The following PKD1 variants were observed in gnomAD, a reference collection of about 807,000 sequenced individuals.
PKD1 encodes polycystin-1.
PKD1 carries 81 observed loss-of-function variants against 361.7 expected under a neutral mutation model. The ratio of observed to expected loss-of-function variants is 0.22; its 90% CI spans 0.19 to 0.27. PKD1 has a LOEUF of 0.27. Among genes scored for constraint, PKD1 ranks in the 10% least tolerant of loss-of-function variants. The pLI is 1.00. For missense variants in PKD1, 6,399 were observed against 6,118.3 expected (o/e 1.05, Z -1.53); for synonymous variants, 3,615 against 2,818.3 (o/e 1.28, Z -8.95).
chr16:2,110,154 G>C lies in PKD1; in HGVS notation c.5013C>G (p.Asp1671Glu). The C allele has an allele frequency of 6.2e-7, 1 of 1,610,334 alleles. No individual in the cohort carries two copies. The highest frequency in any genetic ancestry group is 8.5e-7 in the Non-Finnish European group (1 of 1,179,610). ...CGCTGCCGGCCAGGGCCGGGCCCCT[G>C]TCCCTCCAGGCAGTCCAGCTGTAGG... is the stretch of plus-strand genomic sequence containing the variant. ...NVSYSWTAWR[D>E]RGPALAGSGK... The change falls in exon 15 of 46, where the codon GAC (aspartate) becomes GAG (glutamate). Residue 1671 changes from aspartate to glutamate, a missense_variant. Physicochemically the swap from Asp to Glu is conservative, Grantham distance 45 (BLOSUM62 2). Coordinates refer to ENST00000262304, the MANE Select transcript of PKD1 (RefSeq NM_001009944.3).
Position 2,103,272 on chromosome 16 carries a change from G to C in PKD1, c.8785C>G (p.Leu2929Val). ...GLHLQLNYTL[L>V]DGHYLSEEPE... ...CCCCACCCGCTGCACGCACCGTCCA[G>C]CAGCGTATAGTTGAGCTGCAGATGC... The change falls in exon 23 of 46, where the codon CTG (leucine) becomes GTG (valine). Residue 2929 changes from leucine to valine, a missense_variant. Transcript: ENST00000262304. The C allele has an allele frequency of 6.2e-7, 1 of 1,609,730 alleles. No individual in the cohort carries two copies. The highest frequency in any genetic ancestry group is 8.5e-7 in the Non-Finnish European group (1 of 1,179,694).
In PKD1 at chr16:2,105,897, A is replaced by G. The variant is rs1281912678; in HGVS notation, c.7831T>C (p.Tyr2611His). 2 of 1,596,282 alleles carry G rather than the reference A, an allele frequency of 1.3e-6. No individual in the cohort carries two copies. Among genetic ancestry groups the G allele is most frequent in the African/African-American group, 2.7e-5 (2 of 74,828 alleles). ...AGCACGGTGACCAGGGCCAACGAGT[A>G]CTCGATGACGTGCTGGGGATCGGCC... ...RQADPQHVIE[Y>H]SLALVTVLNE... The change falls in exon 20 of 46, where the codon TAC becomes CAC. Residue 2611 changes from tyrosine (Y) to histidine (H), a missense_variant. Transcript: ENST00000262304.
chr16:2,128,939 C>T lies in PKD1; in HGVS notation c.215+6536G>A, dbSNP rs538654431. The stretch of plus-strand genomic sequence containing the variant: ...AGTGCAGTGGTGTGATATTGGCTCA[C>T]TGCAACCTCCGCCTCCCGGGTTCAA... On this transcript the variant is annotated intron_variant, in intron 1 of 45. Coordinates refer to ENST00000262304, the MANE Select transcript of PKD1 (RefSeq NM_001009944.3). Among the ~76,000 whole-genome samples the T allele has an allele frequency of 2.6e-5, 4 of 152,094 alleles. No homozygotes were observed. The East Asian group carries it at 7.7e-4, about 29-fold the overall frequency.
intron 1 of PKD1, among the ~76,000 whole-genome samples, chr16:2,129,407 C>T (rs527361359): frequency 1.9e-4 from 29 of 152,028 alleles, no homozygotes; most frequent in African/African-American, 6.5e-4. Flanking sequence ...GGATTACAGG[C>T]GTGAGGCACC....
intron 34 of PKD1, chr16:2,095,041 G>C (rs1458413132): frequency 6.6e-6 from 1 of 152,294 alleles, no homozygotes; most frequent in Non-Finnish European, 1.5e-5. Flanking sequence ...TCAGGAGGCT[G>C]AGGCAGGAGG....
rs2091645912 is a variant in PKD1 at position 2,092,578 on chromosome 16, C to T, written c.11171G>A (p.Trp3724Ter). 6.2e-7 allele frequency: 1 copy of T among 1,609,530 alleles called. No individual in the cohort carries two copies. Among genetic ancestry groups the T allele is most frequent in the Non-Finnish European group, 8.5e-7 (1 of 1,177,846 alleles). ...FLAITRSEELWPWMAHVLLPY... is the reference protein window; with the variant it reads ...FLAITRSEEL Reference sequence around the variant, plus strand: ...CAGCAGCACGTGGGCCATCCATGGCCAGAGCTCCTCAGACCTGCCACAGCA... The same window carrying T: ...CAGCAGCACGTGGGCCATCCATGGCTAGAGCTCCTCAGACCTGCCACAGCA... The change falls in exon 39 of 46, where the codon TGG becomes TAG. Residue 3724 changes from tryptophan to a stop codon, truncating the protein, a stop_gained. Transcript: ENST00000262304. LOFTEE classifies it high-confidence loss of function.
In PKD1 at chr16:2,109,897, C is replaced by T. The variant is rs770462764; in HGVS notation, c.5270G>A (p.Gly1757Glu). Residue 1757 changes from glycine (G) to glutamate (E), a missense_variant, in exon 15 of 46, where the codon GGG becomes GAG. Coordinates refer to ENST00000262304, the MANE Select transcript of PKD1 (RefSeq NM_001009944.3). ...GVVYTWSLEE[G>E]LSWETSEPFT... ...TGGCTCGGAGGTCTCCCAGCTCAGC[C>T]CCTCCTCCAAGGACCAAGTGTATAC... 1.1e-5 allele frequency: 17 copies of T among 1,610,474 alleles called. No homozygotes were observed. Among genetic ancestry groups the T allele is most frequent in the Admixed American group, 1.0e-4 (6 of 59,992 alleles).
In PKD1 at chr16:2,090,785, C is replaced by G. The variant is rs770344022; in HGVS notation, c.12027G>C (p.Val4009=). Residue 4009 remains valine (V), a synonymous_variant, in exon 44 of 46, where the codon GTG becomes GTC. Coordinates refer to ENST00000262304, the MANE Select transcript of PKD1 (RefSeq NM_001009944.3). Reference sequence around the variant, plus strand: ...TCTTGCCAAAGACGGACCACTGGCGCACGAAGCGTAGCTGCTGGGCAGCCT... The same window carrying G: ...TCTTGCCAAAGACGGACCACTGGCGGACGAAGCGTAGCTGCTGGGCAGCCT... The part of the protein sequence containing the change: ...LVKAAQQLRF[V]RQWSVFGKTL... 2 of 1,612,604 alleles carry G rather than the reference C, an allele frequency of 1.2e-6. No individual in the cohort carries two copies. Among genetic ancestry groups the G allele is most frequent in the East Asian group, 4.5e-5 (2 of 44,874 alleles).
Position 2,114,628 on chromosome 16 carries a change from G to A in PKD1, c.2395C>T (p.Arg799Trp), listed in dbSNP as rs535588060. The change falls in exon 11 of 46, where the codon CGG becomes TGG. Residue 799 changes from arginine (R) to tryptophan (W), a missense_variant. Arg to Trp is a moderately radical substitution (Grantham distance 101). Coordinates refer to ENST00000262304, the MANE Select transcript of PKD1 (RefSeq NM_001009944.3). The stretch of plus-strand genomic sequence containing the variant: ...GACACGCCATTGCCCACCTCTGCCC[G>A]GACCTCATAGCGCCCAGGCAGCCGC... ...GLRLPGRYEV[R>W]AEVGNGVSRH... 3.1e-5 allele frequency: 49 copies of A among 1,570,772 alleles called. No homozygotes were observed. Among genetic ancestry groups the A allele is most frequent in the South Asian group, 2.6e-4 (23 of 87,420 alleles).
chr16:2,097,862 C>T lies in PKD1; in HGVS notation c.10167+6G>A, dbSNP rs1263801058. ...CCCAGCCCAGGACCCCCAGTAGAGT[C>T]CTCACCTCAGCGTGGAGGCCTGAGA... On this transcript the variant is annotated splice_donor_region_variant and intron_variant, in intron 31 of 45. Transcript: ENST00000262304. The T allele has an allele frequency of 4.4e-6, 7 of 1,607,626 alleles. No homozygotes were observed. In the East Asian group the frequency reaches 1.6e-4, roughly 36 times the overall value.
In PKD1 at chr16:2,108,018, C is replaced by A; in HGVS notation, c.6930G>T (p.Gly2310=). ...CVASTQREAG[G]CALNFGPRGS... ...CGCGGGGCCCAAAGTTCAGCGCACA[C>A]CCGCCAGCCTCCCTCTGCAGGCCGA... Residue 2310 remains glycine (G), a synonymous_variant, in exon 16 of 46, where the codon GGG becomes GGT. Transcript: ENST00000262304. The A allele has an allele frequency of 2.6e-6, 4 of 1,552,062 alleles. No individual in the cohort carries two copies. Among genetic ancestry groups the A allele is most frequent in the Non-Finnish European group, 3.5e-6 (4 of 1,149,546 alleles).
At chr16:2,127,052 G>A (rs2092808259) in intron 1 of PKD1, among the ~76,000 whole-genome samples, 2 of 152,196 alleles carry the variant, frequency 1.3e-5, no homozygotes. Flanking sequence ...GGCCTCAGAA[G>A]AGCCAACAGA....
chr16:2,121,901 G>A (rs2092726956), intron 1 of PKD1, among the ~76,000 whole-genome samples: 1 of 152,192 alleles, frequency 6.6e-6, no homozygotes, highest in East Asian at 1.9e-4. Flanking sequence ...TCCCAGCAAT[G>A]ACCACCCGGC....
In PKD1 at chr16:2,118,378, A is replaced by G; in HGVS notation, c.614T>C (p.Leu205Pro). 7.8e-7 allele frequency: 1 copy of G among 1,286,602 alleles called. No individual in the cohort carries two copies. The highest frequency in any genetic ancestry group is 1.3e-5 in the South Asian group (1 of 79,274). The allele number at this position is 1,286,602 out of a possible 1,614,324, so 79.7% of individuals were successfully genotyped here. The change falls in exon 5 of 46, where the codon CTT becomes CCT. Residue 205 changes from leucine (L) to proline (P), a missense_variant. By Grantham distance (98) the Leu-to-Pro change is moderately conservative. Transcript: ENST00000262304. The surrounding 1 kb of genome is among the most constrained non-coding windows in gnomAD (Gnocchi z 6.0). Reference protein sequence around the residue: ...VSFSAAHEGLLQPEACSAFCF... With the variant: ...VSFSAAHEGLPQPEACSAFCF... ...GAAGGCGCTGCAGGCCTCTGGCTGA[A>G]GCAGGCCTTCGTGGGCAGCTGAAAA...
rs762527512 is a variant in PKD1, at chr16:2,091,165, G to A, written c.11722C>T (p.Leu3908=). The change falls in exon 43 of 46, where the codon CTG becomes TTG. Residue 3908 remains leucine, a synonymous_variant. Coordinates refer to ENST00000262304, the MANE Select transcript of PKD1 (RefSeq NM_001009944.3). ...SLPLLTSVCL[L]LFAVHFAVAE... Reference sequence around the variant, plus strand: ...ACGGCGAAGTGCACGGCGAACAGCAGCAGGCACACCTGTGGGGGGCGCGGT... The same window carrying A: ...ACGGCGAAGTGCACGGCGAACAGCAACAGGCACACCTGTGGGGGGCGCGGT... The A allele has an allele frequency of 3.6e-5, 53 of 1,465,314 alleles. No individual in the cohort carries two copies. The highest frequency in any genetic ancestry group is 3.0e-5 in the Non-Finnish European group (34 of 1,116,826). 90.8% of individuals were successfully genotyped at this position (1,465,314 alleles called of 1,614,324 possible).
At chr16:2,103,152 C>T in intron 23 of PKD1, 114 bp downstream of exon 23, 1 of 1,349,588 alleles carries the variant, frequency 7.4e-7, no homozygotes, top group South Asian at 1.2e-5. Flanking sequence ...CCCCCAGCAG[C>T]CCATGAAACA....
In PKD1 at chr16:2,108,720, C is replaced by T. The variant is rs773425531; in HGVS notation, c.6447G>A (p.Pro2149=). Residue 2149 remains proline (P), a synonymous_variant, in exon 15 of 46, where the codon CCG becomes CCA. Transcript: ENST00000262304. ...VTVQVLACRE[P]EVDVVLPLQV... ...GCAGGGGCAGGACCACGTCCACCTC[C>T]GGCTCCCGGCAGGCCAGCACCTGGA... 153 of 1,570,770 alleles carry T rather than the reference C, an allele frequency of 9.7e-5. 1 individual carries two copies. The South Asian group carries it at 1.2e-3, about 12-fold the overall frequency.
In PKD1 at chr16:2,094,125, C is replaced by T; in HGVS notation, c.10585G>A (p.Glu3529Lys). The change falls in exon 35 of 46, where the codon GAA (glutamate) becomes AAA (lysine). Residue 3529 changes from glutamate (E) to lysine (K), a missense_variant. Physicochemically the swap from Glu to Lys is moderately conservative, Grantham distance 56. Coordinates refer to ENST00000262304, the MANE Select transcript of PKD1 (RefSeq NM_001009944.3). The part of the protein sequence containing the change: ...LGPPSPGLNW[E>K]QPQAARLSRT... Reference sequence around the variant, plus strand: ...GACAGCCTCGCTGCCTGGGGCTGTTCCCAGTTCAGGCCTGGGCTGGGTGGC... The same window carrying T: ...GACAGCCTCGCTGCCTGGGGCTGTTTCCAGTTCAGGCCTGGGCTGGGTGGC... 6.3e-7 allele frequency: 1 copy of T among 1,594,866 alleles called. No individual in the cohort carries two copies. Among genetic ancestry groups the T allele is most frequent in the Non-Finnish European group, 8.5e-7 (1 of 1,170,556 alleles).
rs528956397 is a variant in PKD1 at position 2,108,577 on chromosome 16, C to G, written c.6590G>C (p.Arg2197Pro). The G allele has an allele frequency of 6.4e-7, 1 of 1,563,514 alleles. No homozygotes were observed. ...GGCCACACGCGCTGGGCGCCCCGGC[C>G]GCTGGCAGCTGGCGGTGCGATACAC... ...WEVYRTASCQRPGRPARVALP... is the reference protein window; with the variant it reads ...WEVYRTASCQPPGRPARVALP... The change falls in exon 15 of 46, where the codon CGG (arginine) becomes CCG (proline). Residue 2197 changes from arginine (R) to proline (P), a missense_variant. Coordinates refer to ENST00000262304, the MANE Select transcript of PKD1 (RefSeq NM_001009944.3).
Sources: allele counts gnomAD v4.1 joint callset (sites outside exome capture counted in the v4.1 genomes callset), GRCh38; gene constraint gnomAD v4.1.1; non-coding constraint Gnocchi (gnomAD v3.1); transcripts MANE v1.5; gene names NCBI Gene and HGNC (gene_info 2026-07-23, HGNC 2026-07-21).